PRAG1: variants seen among roughly 807,000 people sequenced by gnomAD.
The protein encoded by PRAG1 is PEAK1 related, kinase-activating pseudokinase 1.
A neutral mutation model predicts 95.6 loss-of-function variants in PRAG1; 110 were observed. That is an observed-to-expected ratio of 1.15 (90% CI 0.99 to 1.35). The LOEUF (loss-of-function observed/expected upper bound fraction) is 1.35. PRAG1 is among the 40% of genes most tolerant of loss of function. The pLI is 0.00. For synonymous variants in PRAG1, 1,052 were observed against 819.4 expected, an observed-to-expected ratio of 1.28 and a Z score of -4.85; for missense variants, 2,554 against 1,864.7, an observed-to-expected ratio of 1.37 and a Z score of -6.81.
rs185478193 is a variant in PRAG1 at position 8,368,570 on chromosome 8, G to A, written c.2162+7677C>T. Among the ~76,000 whole-genome samples, 133 of 152,236 alleles carry A rather than the reference G, an allele frequency of 8.7e-4. 1 individual carries two copies. The Middle Eastern group carries it at 0.024, about 27-fold the overall frequency. The stretch of plus-strand genomic sequence containing the variant: ...AGGAAACGTAAGATCTTTAATGAGG[G>A]CATTAACAATCCCAAAACAACAACA... On this transcript the variant is annotated intron_variant, in intron 3 of 5. Coordinates refer to ENST00000615670, the MANE Select transcript of PRAG1 (RefSeq NM_001080826.3).
chr8:8,355,787 G>A (rs1020542910), intron 3 of PRAG1, among the ~76,000 whole-genome samples: 2 of 152,140 alleles, frequency 1.3e-5, no homozygotes, highest in Non-Finnish European at 1.5e-5. Flanking sequence ...AAAATGGATA[G>A]AAGGCCTAAA....
chr8:8,385,522 G>C (rs1800817846), intron 1 of PRAG1, among the ~76,000 whole-genome samples: 1 of 152,196 alleles, frequency 6.6e-6, no homozygotes, highest in African/African-American at 2.4e-5. Flanking sequence ...GAGTTGTTAA[G>C]AATAGTTCAG....
At chr8:8,332,670 A>C (rs1192131542) in intron 4 of PRAG1, among the ~76,000 whole-genome samples, 3 of 131,036 alleles carry the variant, frequency 2.3e-5, no homozygotes, top group African/African-American at 9.0e-5. Flanking sequence ...CGAGGATCCT[A>C]TAGTTTCTCA....
chr8:8,376,770 T>A lies in PRAG1; in HGVS notation c.1639A>T (p.Lys547Ter), dbSNP rs757308421. ...CCTACAGGGCTACTCTTGGACAACT[T>A]GGGGGGAATGGCGGGCCTCTCCTTG... The part of the protein sequence containing the change: ...KPKERPAIPP[K>*]LSKSSPVGSP... The change falls in exon 3 of 6, where the codon AAG becomes TAG. Residue 547 changes from lysine (K) to a stop codon, truncating the protein, a stop_gained. Coordinates refer to ENST00000615670, the MANE Select transcript of PRAG1 (RefSeq NM_001080826.3). LOFTEE classifies it high-confidence loss of function. 1 of 1,610,558 alleles carries A rather than the reference T, an allele frequency of 6.2e-7. No individual in the cohort carries two copies. The highest frequency in any genetic ancestry group is 1.7e-5 in the Admixed American group (1 of 59,998).
At position 8,376,089 on chromosome 8, in the gene PRAG1, G is replaced by A. The variant is rs528842556; in HGVS notation, c.2162+158C>T. On this transcript the variant is annotated intron_variant, in intron 3 of 5. Transcript: ENST00000615670. ...AAGAGGGCCACAACTCCTGCTCTCC[G>A]AGGGCTGCACTGGGACCCTGGGAAA... 7.9e-5 allele frequency among the ~76,000 whole-genome samples: 12 copies of A among 152,206 alleles called. No homozygotes were observed. In the East Asian group the frequency reaches 1.7e-3, roughly 22 times the overall value.
At chr8:8,320,025 TGTTA>T (rs1358667453) in intron 5 of PRAG1, among the ~76,000 whole-genome samples, 1 of 152,236 alleles carries the variant, frequency 6.6e-6, no homozygotes, top group African/African-American at 2.4e-5. Context: ...TGGAGCAGTT[TGTTA>T]GTTTCTTAAA....
At chr8:8,339,881 A>G (rs2116836690) in intron 3 of PRAG1, among the ~76,000 whole-genome samples, 1 of 152,320 alleles carries the variant, frequency 6.6e-6, no homozygotes, top group Middle Eastern at 3.4e-3. Context: ...ACAAGCACCA[A>G]AATTCTTACA....
chr8:8,327,881 T>C lies in PRAG1; in HGVS notation c.2901A>G (p.Val967=). Residue 967 remains valine (V), a synonymous_variant, in exon 5 of 6, where the codon GTA becomes GTG. Coordinates refer to ENST00000615670, the MANE Select transcript of PRAG1 (RefSeq NM_001080826.3). ...CCATGAAGAGGTCCTCACATTTGGC[T>C]ACAAGGCGGGCCAGGGACTGGGTGT... is the stretch of plus-strand genomic sequence containing the variant. ...GLYTQSLARL[V]AKCEDLFMGG... is the part of the protein sequence containing the mutation. 1 of 1,614,212 alleles carries C rather than the reference T, an allele frequency of 6.2e-7. No individual in the cohort carries two copies. The highest frequency in any genetic ancestry group is 8.5e-7 in the Non-Finnish European group (1 of 1,180,032).
intron 4 of PRAG1, 85 bp from the exon 5 acceptor site, chr8:8,328,546 T>A: frequency 7.4e-7 from 1 of 1,348,082 alleles, no homozygotes; most frequent in Non-Finnish European, 9.9e-7. Context: ...CTTTATTTAT[T>A]TATTTATTTG....
At chr8:8,371,406 G>A (rs1012674710) in intron 3 of PRAG1, among the ~76,000 whole-genome samples, 5 of 151,748 alleles carry the variant, frequency 3.3e-5, no homozygotes, top group South Asian at 2.1e-4. Flanking sequence ...GACTACTGGC[G>A]CCCGCCATCA....
Position 8,327,899 on chromosome 8 carries a change from C to T in PRAG1, c.2883G>A (p.Gln961=). 3 of 1,614,202 alleles carry T rather than the reference C, an allele frequency of 1.9e-6. No individual in the cohort carries two copies. The highest frequency in any genetic ancestry group is 2.5e-6 in the Non-Finnish European group (3 of 1,180,028). The change falls in exon 5 of 6, where the codon CAG becomes CAA. Residue 961 remains glutamine, a synonymous_variant. Transcript: ENST00000615670. ...TYAKLGGLYT[Q]SLARLVAKCE... ...ATTTGGCTACAAGGCGGGCCAGGGA[C>T]TGGGTGTAGAGTCCCCCCAGCTTGG... is the stretch of plus-strand genomic sequence containing the variant.
At chr8:8,328,605 C>A in intron 4 of PRAG1, 144 bp from the exon 5 acceptor site, 4 of 865,018 alleles carry the variant, frequency 4.6e-6, no homozygotes, top group Non-Finnish European at 6.8e-6. Flanking sequence ...CTCTAATAGA[C>A]AATATATGCA....
chr8:8,366,460 T>C (rs1189961917), intron 3 of PRAG1, among the ~76,000 whole-genome samples: 1 of 152,006 alleles, frequency 6.6e-6, no homozygotes, highest in African/African-American at 2.4e-5. Context: ...ATTACATGCG[T>C]CTGCCACAAT....
chr8:8,326,202 C>T (rs977848342), intron 5 of PRAG1, among the ~76,000 whole-genome samples: 2 of 147,136 alleles, frequency 1.4e-5, no homozygotes, highest in African/African-American at 4.9e-5. Context: ...AGTATTATTA[C>T]TACTATTAAT....
chr8:8,318,712 CTTGGCCTTCAAAAAG>C lies in PRAG1; in HGVS notation c.3648_3662del (p.Asn1216_Ala1220del), dbSNP rs1798367078. ...GGTTTGGGGTGCCGCCCGGCTTCTGCTTGGCCTTCAAAAAGTTGCTGATGATGAGCCGGGGCAGCT... is the reference window on the plus strand; with the variant it reads ...GGTTTGGGGTGCCGCCCGGCTTCTGCTTGCTGATGATGAGCCGGGGCAGCT... On this transcript the variant is annotated inframe_deletion, in exon 6 of 6. Transcript: ENST00000615670. The surrounding 1 kb of genome is among the most constrained non-coding windows in gnomAD (Gnocchi z 4.2). 2.5e-6 allele frequency: 4 copies of C among 1,609,752 alleles called. No individual in the cohort carries two copies. The Admixed American group carries it at 6.7e-5, about 27-fold the overall frequency.
chr8:8,382,664 T>C (rs1180887561), intron 1 of PRAG1, among the ~76,000 whole-genome samples: 1 of 152,196 alleles, frequency 6.6e-6, no homozygotes, highest in East Asian at 1.9e-4. Context: ...CTCAAAAAAT[T>C]CATTGCTTCT....
At chr8:8,337,907 C>A (rs1038941690) in intron 4 of PRAG1, among the ~76,000 whole-genome samples, 3 of 152,116 alleles carry the variant, frequency 2.0e-5, no homozygotes, top group Non-Finnish European at 4.4e-5. Flanking sequence ...TCCCATTTCC[C>A]CTTGCCGGTG....
At chr8:8,342,749 C>A (rs1001024833) in intron 3 of PRAG1, among the ~76,000 whole-genome samples, 1 of 152,110 alleles carries the variant, frequency 6.6e-6, no homozygotes, top group Non-Finnish European at 1.5e-5. Context: ...ATATCTCATA[C>A]CGTGTAGAAA....
chr8:8,329,407 A>ATGC (rs1554502904), intron 4 of PRAG1, among the ~76,000 whole-genome samples: 2 of 151,722 alleles, frequency 1.3e-5, no homozygotes, highest in Non-Finnish European at 2.9e-5. Context: ...AATAATAATA[A>ATGC]TGGGTTGCAG....
Sources: gnomAD v4.1 joint callset for allele counts (sites outside exome capture counted in the v4.1 genomes callset) on GRCh38, gnomAD v4.1.1 for gene constraint, Gnocchi (gnomAD v3.1) non-coding constraint, MANE v1.5 for transcripts, NCBI Gene and HGNC (gene_info 2026-07-23, HGNC 2026-07-21) for gene names.